Variants in CDH13 observed in about 807,000 individuals in gnomAD.
CDH13 encodes the protein cadherin 13.
In CDH13, 24 loss-of-function variants were observed where a neutral mutation model predicts 63.8. The ratio of observed to expected loss-of-function variants is 0.38; its 90% CI spans 0.27 to 0.53. The LOEUF (loss-of-function observed/expected upper bound fraction) is 0.53. Among genes scored for constraint, CDH13 ranks in the 20% least tolerant of loss-of-function variants. The pLI, the probability that CDH13 is intolerant of heterozygous loss-of-function variation, is 0.85. For synonymous variants in CDH13, 503 were observed against 355.3 expected (o/e 1.42, Z -4.67); for missense variants, 1,049 against 903.1 (o/e 1.16, Z -2.07).
At chr16:83,151,500 C>T (rs2036978165) in intron 4 of CDH13, among the ~76,000 whole-genome samples, 1 of 152,116 alleles carries the variant, frequency 6.6e-6, no homozygotes, top group Non-Finnish European at 1.5e-5. Context: ...TATTCTAACC[C>T]AGTTAATAAC....
At chr16:83,677,903 C>A (rs561713639) in intron 9 of CDH13, among the ~76,000 whole-genome samples, 16 of 152,112 alleles carry the variant, frequency 1.1e-4, no homozygotes, top group African/African-American at 3.9e-4. Context: ...ACTCACTGCC[C>A]AGATCACTAA....
At chr16:82,697,240 G>T (rs145119102) in intron 1 of CDH13, among the ~76,000 whole-genome samples, 1 of 152,018 alleles carries the variant, frequency 6.6e-6, no homozygotes, top group African/African-American at 2.4e-5. Flanking sequence ...CAAAGAAGGC[G>T]TTGTATATTC....
chr16:83,726,156 C>G (rs1462542098), intron 10 of CDH13: 2 of 152,186 alleles, frequency 1.3e-5, no homozygotes, highest in East Asian at 1.9e-4. Flanking sequence ...CTTTTTTGCT[C>G]AGCCATTGAA....
chr16:83,056,876 C>G (rs964220579), intron 3 of CDH13, among the ~76,000 whole-genome samples: 2 of 152,158 alleles, frequency 1.3e-5, no homozygotes, highest in Non-Finnish European at 2.9e-5. Flanking sequence ...GTAGGATGTG[C>G]CTTTGCTCAT....
chr16:82,684,355 C>A (rs1222499241), intron 1 of CDH13, among the ~76,000 whole-genome samples: 1 of 152,152 alleles, frequency 6.6e-6, no homozygotes, highest in Non-Finnish European at 1.5e-5. Flanking sequence ...TAGATAACAT[C>A]ATGTGTCTAC....
In CDH13 at chr16:82,663,924, G is replaced by A. The variant is rs139216882; in HGVS notation, c.45+36787G>A. On this transcript the variant is annotated intron_variant, in intron 1 of 13. Transcript: ENST00000567109. ...CTACCCTCCCTCCTCCTACCATGGC[G>A]CATTCTGCAGCATGACAGGCATTCC... Among the ~76,000 whole-genome samples, 386 of 152,264 alleles carry A rather than the reference G, an allele frequency of 2.5e-3. 3 individuals are homozygous for A. The highest frequency in any genetic ancestry group is 6.8e-3 in the Middle Eastern group (2 of 294).
chr16:83,241,678 T>C (rs920833751), intron 5 of CDH13, among the ~76,000 whole-genome samples: 1 of 152,212 alleles, frequency 6.6e-6, no homozygotes, highest in Admixed American at 6.5e-5. Flanking sequence ...TTAATCAGTT[T>C]ATTTGGATTT....
chr16:83,223,671 G>A (rs1015454556), intron 5 of CDH13, among the ~76,000 whole-genome samples: 11 of 152,196 alleles, frequency 7.2e-5, no homozygotes, highest in South Asian at 2.1e-4. Context: ...CCAGTCTCAC[G>A]CTGGTGCATC....
At chr16:82,659,052 C>T (rs1911630348) in intron 1 of CDH13, among the ~76,000 whole-genome samples, 1 of 152,156 alleles carries the variant, frequency 6.6e-6, no homozygotes, top group African/African-American at 2.4e-5. Context: ...AGCAGGGAGG[C>T]CACCAGGGAT....
chr16:82,957,678 A>G (rs1168228903), intron 2 of CDH13, among the ~76,000 whole-genome samples: 1 of 152,184 alleles, frequency 6.6e-6, no homozygotes, highest in Admixed American at 6.5e-5. Flanking sequence ...ATCACTTATT[A>G]TTGTGATATT....
intron 1 of CDH13, among the ~76,000 whole-genome samples, chr16:82,676,521 A>G (rs1913927818): frequency 1.5e-5 from 2 of 135,208 alleles, no homozygotes; most frequent in Non-Finnish European, 3.1e-5. Context: ...TTGAATATCA[A>G]TCTGGCCCCC....
intron 5 of CDH13, among the ~76,000 whole-genome samples, chr16:83,219,932 T>C (rs2039647414): frequency 6.6e-6 from 1 of 152,170 alleles, no homozygotes; most frequent in African/African-American, 2.4e-5. Flanking sequence ...TGGCAGGAAG[T>C]TGTGCCTGGT....
intron 5 of CDH13, among the ~76,000 whole-genome samples, chr16:83,220,408 G>C (rs1235389371): frequency 6.6e-6 from 1 of 152,160 alleles, no homozygotes; most frequent in Non-Finnish European, 1.5e-5. Flanking sequence ...TGGTATTCAT[G>C]GTAGTCAACA....
At chr16:82,713,008 C>G (rs1014350882) in intron 1 of CDH13, among the ~76,000 whole-genome samples, 7 of 151,864 alleles carry the variant, frequency 4.6e-5, no homozygotes, top group African/African-American at 1.5e-4. Flanking sequence ...TCCCTGGGTG[C>G]TTAGTTAATG....
At chr16:83,078,105 G>A (rs945930040) in intron 3 of CDH13, among the ~76,000 whole-genome samples, 5 of 152,160 alleles carry the variant, frequency 3.3e-5, no homozygotes, top group African/African-American at 1.2e-4. Flanking sequence ...GGGATACCTG[G>A]AGACTGCTCA....
chr16:83,783,489 C>G lies in CDH13; in HGVS notation c.2134+17C>G, dbSNP rs367609220. On this transcript the variant is annotated intron_variant, in intron 13 of 13. Transcript: ENST00000567109. ...GCTTAGCTTGTAAGTTGACCTAACT[C>G]CAGTGCATGCACAAACAGGAAATTG... 5 of 1,592,170 alleles carry G rather than the reference C, an allele frequency of 3.1e-6. No homozygotes were observed. The highest frequency in any genetic ancestry group is 4.3e-6 in the Non-Finnish European group (5 of 1,160,456).
chr16:82,993,156 C>G (rs1911843497), intron 2 of CDH13, among the ~76,000 whole-genome samples: 1 of 152,046 alleles, frequency 6.6e-6, no homozygotes, highest in Non-Finnish European at 1.5e-5. Context: ...TCTTTCTGCC[C>G]TCGATATCTG....
intron 6 of CDH13, among the ~76,000 whole-genome samples, chr16:83,367,752 G>C (rs180806264): frequency 1.6e-3 from 243 of 152,230 alleles, no homozygotes; most frequent in Non-Finnish European, 2.8e-3. Context: ...GCTTTGCCTA[G>C]TCTGGGTTCT....
chr16:83,187,925 A>T (rs759413270), intron 4 of CDH13, among the ~76,000 whole-genome samples: 5 of 152,146 alleles, frequency 3.3e-5, no homozygotes, highest in Non-Finnish European at 5.9e-5. Flanking sequence ...GCAGGGATGC[A>T]TCTATCTGGG....
Sources: allele counts gnomAD v4.1 joint callset (sites outside exome capture counted in the v4.1 genomes callset), GRCh38; gene constraint gnomAD v4.1.1; transcripts MANE v1.5; gene names NCBI Gene and HGNC (gene_info 2026-07-23, HGNC 2026-07-21).